NPIPB2: variants seen among roughly 807,000 people sequenced by gnomAD.
NPIPB2 encodes nuclear pore complex interacting protein family member B2.
A neutral mutation model predicts 30.8 loss-of-function variants in NPIPB2; 27 were observed. The observed-to-expected ratio is 0.88, with a 90% confidence interval of 0.65 to 1.21. NPIPB2 has a LOEUF of 1.21. Among genes scored for constraint, NPIPB2 ranks in the 50% most tolerant of loss-of-function variants. The pLI, the probability that NPIPB2 is intolerant of heterozygous loss-of-function variation, is 0.00. For missense variants in NPIPB2, 440 were observed against 446.2 expected (o/e 0.99, Z 0.13); for synonymous variants, 147 against 162.0 (o/e 0.91, Z 0.70).
chr16:11,969,143 C>A (rs2856799), intron 1 of NPIPB2, among the ~76,000 whole-genome samples: 2 of 151,708 alleles, frequency 1.3e-5, no homozygotes. Flanking sequence ...TTGGGATTAC[C>A]GGTGTGAGCT....
At position 11,932,854 on chromosome 16, in the gene NPIPB2, A is replaced by G. The variant is rs62040801; in HGVS notation, c.488+663T>C. ...CACACACCTGTAATCCAAGCTACTCAGGAAGCTGAGGCAGAATTGCTTCAA... is the reference window on the plus strand; with the variant it reads ...CACACACCTGTAATCCAAGCTACTCGGGAAGCTGAGGCAGAATTGCTTCAA... On this transcript the variant is annotated intron_variant, in intron 4 of 7. Coordinates refer to ENST00000399147, the Ensembl canonical transcript of NPIPB2. Among the ~76,000 whole-genome samples, 509 of 142,592 alleles carry G rather than the reference A, an allele frequency of 3.6e-3. 10 individuals are homozygous for G. Among genetic ancestry groups the G allele is most frequent in the African/African-American group, 0.013 (496 of 38,236 alleles). The allele number at this position is 142,592 out of a possible 152,430, so 93.5% of individuals were successfully genotyped here.
intron 1 of NPIPB2, chr16:11,965,291 C>T (rs1403070392): frequency 6.2e-7 from 1 of 1,613,146 alleles, no homozygotes; most frequent in Middle Eastern, 1.7e-4. Context: ...CCAGGCTGTT[C>T]TTTCTGTAGC....
intron 1 of NPIPB2, among the ~76,000 whole-genome samples, chr16:11,953,369 G>C (rs1272035127): frequency 1.3e-5 from 2 of 151,998 alleles, no homozygotes; most frequent in Non-Finnish European, 2.9e-5. Context: ...TTGAGACGGA[G>C]TCTTGCTCTG....
chr16:11,968,947 ACCT>A (rs2055217582), intron 1 of NPIPB2, among the ~76,000 whole-genome samples: 1 of 151,482 alleles, frequency 6.6e-6, no homozygotes, highest in African/African-American at 2.4e-5. Flanking sequence ...GCTCACTACA[ACCT>A]CCACCTCTCA....
rs1491496363 is a variant in NPIPB2 at position 11,964,436 on chromosome 16, TAG to T, written c.-584+12130_-584+12131del. Among the ~76,000 whole-genome samples the T allele has an allele frequency of 9.1e-4, 138 of 151,762 alleles. 1 individual carries two copies. Among genetic ancestry groups the T allele is most frequent in the Non-Finnish European group, 1.6e-3 (108 of 67,892 alleles). On this transcript the variant is annotated intron_variant, in intron 1 of 5. Transcript: ENST00000538896. ...TGTAGAATTTTTTTTTTTTTTGAGA[TAG>T]AGTCTTGCTTTGTCACCCAGGCTGG...
upstream of NPIPB2, among the ~76,000 whole-genome samples, chr16:11,943,000 A>G (rs1387001988): frequency 6.6e-6 from 1 of 152,206 alleles, no homozygotes; most frequent in Non-Finnish European, 1.5e-5. Context: ...ATAAATAGAA[A>G]AACAACCCTA....
At chr16:11,973,645 G>A (rs2055249289) in intron 1 of NPIPB2, among the ~76,000 whole-genome samples, 3 of 152,252 alleles carry the variant, frequency 2.0e-5, no homozygotes, top group Middle Eastern at 3.4e-3. Flanking sequence ...TCGGCTCACT[G>A]CAACTTCTAC....
At chr16:11,972,853 A>G (rs2055244223) in intron 1 of NPIPB2, among the ~76,000 whole-genome samples, 1 of 144,558 alleles carries the variant, frequency 6.9e-6, no homozygotes. Context: ...ACAGAGCGAG[A>G]TTCGGACTCA....
Position 11,940,890 on chromosome 16 carries a change from G to A in NPIPB2, c.63+1093C>T, listed in dbSNP as rs1002923521. ...CGGGGCCATCTCGGCTCACTGCAACGTCCAGCTCCTGGGCCCAAGCGATCC... is the reference window on the plus strand; with the variant it reads ...CGGGGCCATCTCGGCTCACTGCAACATCCAGCTCCTGGGCCCAAGCGATCC... On this transcript the variant is annotated intron_variant, in intron 1 of 7. Coordinates refer to ENST00000399147, the Ensembl canonical transcript of NPIPB2. Among the ~76,000 whole-genome samples, 131 of 148,708 alleles carry A rather than the reference G, an allele frequency of 8.8e-4. 1 individual carries two copies. Among genetic ancestry groups the A allele is most frequent in the African/African-American group, 3.1e-3 (125 of 40,306 alleles).
chr16:11,952,898 A>C (rs1241295474), intron 1 of NPIPB2, among the ~76,000 whole-genome samples: 2 of 151,896 alleles, frequency 1.3e-5, no homozygotes, highest in African/African-American at 4.8e-5. Context: ...AGAACATAAA[A>C]ATCTACTTCA....
intron 1 of NPIPB2, among the ~76,000 whole-genome samples, chr16:11,950,327 C>G (rs146964279): frequency 6.6e-6 from 1 of 152,252 alleles, no homozygotes; most frequent in East Asian, 1.9e-4. Flanking sequence ...TGAGCCACCA[C>G]GCCTAGCCTA....
chr16:11,953,699 T>C (rs1048126072), intron 1 of NPIPB2, among the ~76,000 whole-genome samples: 15 of 145,756 alleles, frequency 1.0e-4, no homozygotes, highest in Non-Finnish European at 2.2e-4. Context: ...AGATCATCCT[T>C]TTATTTACTT....
At chr16:11,949,237 G>T (rs1055647113) in intron 1 of NPIPB2, among the ~76,000 whole-genome samples, 1 of 152,156 alleles carries the variant, frequency 6.6e-6, no homozygotes, top group African/African-American at 2.4e-5. Flanking sequence ...CAATACTTGC[G>T]AAGCCTTTTC....
chr16:11,937,505 A>G (rs771685901), intron 2 of NPIPB2, 35 bp downstream of exon 2: 19 of 1,182,244 alleles, frequency 1.6e-5, no homozygotes, highest in Non-Finnish European at 1.9e-5. Flanking sequence ...ATTTGTGATT[A>G]CAAGTATACC....
At chr16:11,966,475 T>A in intron 1 of NPIPB2, 1 of 908,464 alleles carries the variant, frequency 1.1e-6, no homozygotes. Context: ...CATTGTTACA[T>A]TAAATGAACT....
chr16:11,960,342 G>T (rs939303180), intron 1 of NPIPB2, among the ~76,000 whole-genome samples: 4 of 149,214 alleles, frequency 2.7e-5, no homozygotes, highest in African/African-American at 9.8e-5. Context: ...TGGCTTCCCA[G>T]GTATGGTTCC....
At chr16:11,972,702 G>T (rs974430635) in intron 1 of NPIPB2, among the ~76,000 whole-genome samples, 1 of 151,094 alleles carries the variant, frequency 6.6e-6, no homozygotes. Flanking sequence ...GTGAAACCCC[G>T]TCTCTACTAG....
chr16:11,941,148 G>T (rs553941485), intron 1 of NPIPB2: 48 of 1,448,222 alleles, frequency 3.3e-5, no homozygotes, highest in Non-Finnish European at 4.0e-5. Context: ...AAGAAACCCC[G>T]CGGGTCCAGC....
upstream of NPIPB2, among the ~76,000 whole-genome samples, chr16:11,942,577 G>A (rs1378954368): frequency 2.0e-5 from 3 of 152,146 alleles, no homozygotes; most frequent in Non-Finnish European, 4.4e-5. Context: ...ACCCAAATGA[G>A]GGGGAGAAAA....
Sources: gnomAD v4.1 joint callset for allele counts (sites outside exome capture counted in the v4.1 genomes callset) on GRCh38, gnomAD v4.1.1 for gene constraint, MANE v1.5 for transcripts, NCBI Gene and HGNC (gene_info 2026-07-23, HGNC 2026-07-21) for gene names.